PTCHD1: variants seen among roughly 807,000 people sequenced by gnomAD.
PTCHD1 encodes patched domain containing 1.
PTCHD1 carries 3 observed loss-of-function variants against 34.6 expected under a neutral mutation model. That is an observed-to-expected ratio of 0.09 (90% confidence interval 0.04 to 0.22). The LOEUF is 0.22. Ranked by LOEUF, PTCHD1 falls within the 10% of genes least tolerant of loss-of-function variation. PTCHD1 has a pLI of 1.00. For missense variants in PTCHD1, 504 were observed against 685.5 expected (o/e 0.74, Z 2.96); for synonymous variants, 305 against 283.1 (o/e 1.08, Z -0.77).
intron 1 of PTCHD1, among the ~76,000 whole-genome samples, chrX:23,353,178 T>C (rs1475882297): frequency 8.9e-6 from 1 of 112,899 alleles, no homozygotes; most frequent in Non-Finnish European, 1.9e-5. Context: ...GTCAGTTTTG[T>C]GGTTTTGCTA....
intron 2 of PTCHD1, among the ~76,000 whole-genome samples, chrX:23,390,285 G>T (rs2146649624): frequency 9.4e-6 from 1 of 106,022 alleles, no homozygotes; most frequent in African/African-American, 3.5e-5. Context: ...ATCCCCTGAA[G>T]TGTGCTTTGC....
At chrX:23,340,768 A>G (rs900697747) in intron 1 of PTCHD1, among the ~76,000 whole-genome samples, 1 of 112,315 alleles carries the variant, frequency 8.9e-6, no homozygotes. Flanking sequence ...TTGTTTGGTG[A>G]CAGGTGCTAT....
At chrX:23,392,048 T>C (rs1569142791) in intron 2 of PTCHD1, among the ~76,000 whole-genome samples, 1 of 94,547 alleles carries the variant, frequency 1.1e-5, no homozygotes, top group Admixed American at 1.2e-4. Context: ...TTTCTTTTTT[T>C]TTCTTTCTTT....
At chrX:23,376,363 G>A (rs2146639372) in intron 1 of PTCHD1, among the ~76,000 whole-genome samples, 1 of 111,741 alleles carries the variant, frequency 8.9e-6, no homozygotes, top group Non-Finnish European at 1.9e-5. Flanking sequence ...AAGCTTATAT[G>A]GATCGCAGTT....
At chrX:23,351,468 T>G in intron 1 of PTCHD1, 1 of 508,061 alleles carries the variant, frequency 2.0e-6, no homozygotes, top group Non-Finnish European at 3.6e-6. Flanking sequence ...AATAAAATAG[T>G]TTTTAATGGA....
intron 1 of PTCHD1, among the ~76,000 whole-genome samples, chrX:23,374,308 AAC>A (rs1311442594): frequency 0.019 from 552 of 28,692 alleles, 70 homozygotes; most frequent in Middle Eastern, 0.11. Flanking sequence ...AAAAAAAAAA[AAC>A]CCAAAACCCT....
intron 1 of PTCHD1, among the ~76,000 whole-genome samples, chrX:23,358,820 T>A (rs1921887926): frequency 8.9e-6 from 1 of 112,355 alleles, no homozygotes; most frequent in South Asian, 3.7e-4. Context: ...GAATTAATTT[T>A]TGTATAAGGT....
chrX:23,392,074 C>CTTTCTTTTTTTTTTTTTTT (rs367570857), intron 2 of PTCHD1, among the ~76,000 whole-genome samples: 3 of 52,355 alleles, frequency 5.7e-5, no homozygotes, highest in African/African-American at 3.8e-4. Context: ...TTCTTTCTTT[C>CTTTCTTTTTTTTTTTTTTT]TTTTTTTTTT....
Position 23,335,139 on chromosome X carries a change from G to A in PTCHD1, c.264G>A (p.Gln88=). The change falls in exon 1 of 3, where the codon CAG becomes CAA. Residue 88 remains glutamine, a synonymous_variant. Coordinates refer to ENST00000379361, the MANE Select transcript of PTCHD1 (RefSeq NM_173495.3). ...RSKHRLYSDL[Q]TPGRYGRVIV... is the part of the protein sequence containing the mutation. ...AGCACCGTCTCTACTCGGACCTGCA[G>A]ACCCCCGGGCGCTACGGCCGGGTCA... 1 of 1,211,986 alleles carries A rather than the reference G, an allele frequency of 8.3e-7. No homozygotes were observed. Among genetic ancestry groups the A allele is most frequent in the Non-Finnish European group, 1.1e-6 (1 of 895,444 alleles).
At chrX:23,350,060 T>TA (rs57194123) in intron 1 of PTCHD1, among the ~76,000 whole-genome samples, 981 of 40,398 alleles carry the variant, frequency 0.024, 50 homozygotes, top group African/African-American at 0.034. Context: ...TTAGTGCTGT[T>TA]AAAAAAAAAA....
intron 1 of PTCHD1, among the ~76,000 whole-genome samples, chrX:23,370,560 C>T (rs969116109): frequency 1.8e-5 from 2 of 111,622 alleles, no homozygotes; most frequent in Non-Finnish European, 3.8e-5. Flanking sequence ...TACAGGTACT[C>T]ATCCTTGGTA....
intron 2 of PTCHD1, among the ~76,000 whole-genome samples, chrX:23,387,917 ATG>A (rs1312207114): frequency 1.8e-5 from 2 of 112,006 alleles, no homozygotes; most frequent in East Asian, 5.6e-4. Flanking sequence ...TAGAATCAGT[ATG>A]TGTTTAACAG....
At chrX:23,352,009 TTAG>T (rs1468648755) in intron 1 of PTCHD1, among the ~76,000 whole-genome samples, 3 of 111,497 alleles carry the variant, frequency 2.7e-5, no homozygotes, top group South Asian at 3.8e-4. Context: ...TGGGAAAGAA[TTAG>T]TAGAGTTTGA....
At chrX:23,342,775 T>A (rs771867052) in intron 1 of PTCHD1, among the ~76,000 whole-genome samples, 10 of 111,603 alleles carry the variant, frequency 9.0e-5, no homozygotes, top group Non-Finnish European at 1.5e-4. Context: ...TTTGTTGTTC[T>A]CCCTAAAAGT....
intron 1 of PTCHD1, among the ~76,000 whole-genome samples, chrX:23,358,375 A>G (rs1394809470): frequency 8.9e-6 from 1 of 111,885 alleles, no homozygotes; most frequent in Non-Finnish European, 1.9e-5. Context: ...ATGGTATCTC[A>G]TTGTGGTTTT....
chrX:23,344,347 A>C (rs1467898131), intron 1 of PTCHD1, among the ~76,000 whole-genome samples: 2 of 112,320 alleles, frequency 1.8e-5, no homozygotes, highest in Non-Finnish European at 3.8e-5. Flanking sequence ...AAGTATGTGA[A>C]GGCACTGTGT....
chrX:23,366,936 A>G (rs1360048805), intron 1 of PTCHD1, among the ~76,000 whole-genome samples: 1 of 109,551 alleles, frequency 9.1e-6, no homozygotes, highest in African/African-American at 3.4e-5. Flanking sequence ...ACACACACAC[A>G]CACACACACA....
At chrX:23,392,074 C>CTTTTTTTTTTTTTTTTTTTTTTTTTTTT (rs763041195) in intron 2 of PTCHD1, among the ~76,000 whole-genome samples, 4 of 52,349 alleles carry the variant, frequency 7.6e-5, no homozygotes, top group African/African-American at 2.5e-4. Flanking sequence ...TTCTTTCTTT[C>CTTTTTTTTTTTTTTTTTTTTTTTTTTTT]TTTTTTTTTT....
intron 1 of PTCHD1, among the ~76,000 whole-genome samples, chrX:23,379,207 CAAAT>C (rs776215293): frequency 3.6e-5 from 4 of 112,328 alleles, no homozygotes; most frequent in Non-Finnish European, 7.5e-5. Flanking sequence ...AATTGGGTCA[CAAAT>C]AAAGAACACG....
Sources: allele counts gnomAD v4.1 joint callset (sites outside exome capture counted in the v4.1 genomes callset), GRCh38; gene constraint gnomAD v4.1.1; transcripts MANE v1.5; gene names NCBI Gene and HGNC (gene_info 2026-07-23, HGNC 2026-07-21).